NTF3: variants seen among roughly 807,000 people sequenced by gnomAD.
NTF3 encodes neurotrophin-3.
Under a neutral mutation model 26.3 loss-of-function variants are expected in NTF3, and 8 were observed. That is an observed-to-expected ratio of 0.30 (90% CI 0.18 to 0.55). The LOEUF is 0.55. Among genes scored for constraint, NTF3 ranks in the 20% least tolerant of loss-of-function variants. NTF3 has a pLI of 0.93. For missense variants in NTF3, 276 were observed against 352.9 expected, an observed-to-expected ratio of 0.78 and a Z score of 1.75; for synonymous variants, 154 against 145.5, an observed-to-expected ratio of 1.06 and a Z score of -0.42.
At chr12:5,477,817 C>A (rs1240402832) in intron 1 of NTF3, among the ~76,000 whole-genome samples, 2 of 152,056 alleles carry the variant, frequency 1.3e-5, no homozygotes, top group African/African-American at 4.8e-5. Flanking sequence ...GTTTAGGACA[C>A]AGGACTGCAA....
chr12:5,472,157 C>T (rs760662760), intron 1 of NTF3, among the ~76,000 whole-genome samples: 1 of 152,130 alleles, frequency 6.6e-6, no homozygotes, highest in Admixed American at 6.5e-5. Flanking sequence ...AATGATTTGA[C>T]ATTCCTACAC....
At chr12:5,460,967 C>T (rs919494038) in intron 1 of NTF3, among the ~76,000 whole-genome samples, 3 of 152,160 alleles carry the variant, frequency 2.0e-5, no homozygotes, top group African/African-American at 7.2e-5. Context: ...TTCTTTTCCT[C>T]CTGATACAGA....
intron 1 of NTF3, among the ~76,000 whole-genome samples, chr12:5,467,087 A>G (rs1426985330): frequency 6.6e-6 from 1 of 151,922 alleles, no homozygotes; most frequent in East Asian, 1.9e-4. Context: ...AAAATTAGCC[A>G]GGCGTACTGG....
chr12:5,451,420 C>A (rs997011706), intron 1 of NTF3, among the ~76,000 whole-genome samples: 1 of 152,210 alleles, frequency 6.6e-6, no homozygotes, highest in Non-Finnish European at 1.5e-5. Flanking sequence ...TTGCACCCAG[C>A]CAGTGGGAAG....
chr12:5,475,413 G>A lies in NTF3; in HGVS notation c.19-18781G>A, dbSNP rs561231442. On this transcript the variant is annotated intron_variant, in intron 1 of 1. Coordinates refer to ENST00000423158, the MANE Select transcript of NTF3 (RefSeq NM_001102654.2). Reference sequence around the variant, plus strand: ...ACATAGGGAATTCTACTCTCTGGGAGACAGCATGTGGCTGGGATCAGATAG... The same window carrying A: ...ACATAGGGAATTCTACTCTCTGGGAAACAGCATGTGGCTGGGATCAGATAG... Among the ~76,000 whole-genome samples the A allele has an allele frequency of 8.1e-4, 124 of 152,308 alleles. 1 individual carries two copies. The highest frequency in any genetic ancestry group is 2.8e-3 in the African/African-American group (118 of 41,566).
chr12:5,432,208 C>T lies in NTF3; in HGVS notation c.-117C>T. On this transcript the variant is annotated 5_prime_UTR_variant, in exon 1 of 2. Transcript: ENST00000423158. ...TCTTCTCTCTCCTTTCTTTCTTCCT[C>T]TCCTTTTTCCCCTGCTGGGTAGTGG... 1.7e-6 allele frequency: 2 copies of T among 1,184,438 alleles called. No individual in the cohort carries two copies. The highest frequency in any genetic ancestry group is 1.7e-5 in the Admixed American group (1 of 58,446). The allele number at this position is 1,184,438 out of a possible 1,614,324, so 73.4% of individuals were successfully genotyped here.
chr12:5,475,622 C>T (rs1444466849), intron 1 of NTF3, among the ~76,000 whole-genome samples: 2 of 151,910 alleles, frequency 1.3e-5, no homozygotes, highest in Non-Finnish European at 1.5e-5. Flanking sequence ...ATTGCTTGAG[C>T]CCAGGAGTTT....
intron 1 of NTF3, among the ~76,000 whole-genome samples, chr12:5,436,886 A>G (rs536439214): frequency 1.1e-3 from 167 of 152,370 alleles, no homozygotes; most frequent in Non-Finnish European, 1.9e-3. Flanking sequence ...GTTATTAATG[A>G]TCAGAGACAG....
At chr12:5,468,765 C>T (rs1287467280) in intron 1 of NTF3, among the ~76,000 whole-genome samples, 1 of 152,124 alleles carries the variant, frequency 6.6e-6, no homozygotes, top group Non-Finnish European at 1.5e-5. Flanking sequence ...TAGGGATGAT[C>T]TCCCCCCACC....
At chr12:5,489,132 C>G (rs1940903618) in intron 1 of NTF3, among the ~76,000 whole-genome samples, 1 of 152,200 alleles carries the variant, frequency 6.6e-6, no homozygotes, top group African/African-American at 2.4e-5. Context: ...ATGGGCTGCA[C>G]TGGAGAGCAT....
intron 1 of NTF3, among the ~76,000 whole-genome samples, chr12:5,477,378 A>G (rs565764725): frequency 1.1e-3 from 170 of 151,660 alleles, no homozygotes; most frequent in African/African-American, 4.0e-3. Flanking sequence ...GTCGTTTCTT[A>G]AAGTGACAGC....
intron 1 of NTF3, among the ~76,000 whole-genome samples, chr12:5,455,559 CACACACACACACACACACACACACAT>C (rs1490170397): frequency 4.2e-5 from 6 of 142,982 alleles, no homozygotes; most frequent in South Asian, 2.4e-4. Flanking sequence ...CACACACACA[CACACACACACACACACACACACACAT>C]AGCCCCTGTG....
intron 1 of NTF3, among the ~76,000 whole-genome samples, chr12:5,488,914 T>C (rs939389868): frequency 7.2e-5 from 11 of 152,204 alleles, no homozygotes; most frequent in African/African-American, 2.4e-4. Flanking sequence ...TCTCTTGAAT[T>C]TGCATATTAA....
chr12:5,432,368 G>A (rs539914634), intron 1 of NTF3, 26 bp downstream of exon 1: 2 of 1,611,188 alleles, frequency 1.2e-6, no homozygotes, highest in Non-Finnish European at 1.7e-6. Flanking sequence ...GGGCACCTTG[G>A]GTGGGCAGGT....
intron 1 of NTF3, among the ~76,000 whole-genome samples, chr12:5,469,381 C>T (rs1000135888): frequency 1.3e-5 from 2 of 151,960 alleles, no homozygotes; most frequent in Non-Finnish European, 2.9e-5. Flanking sequence ...ACACCTGCTG[C>T]GAAGGGAGAG....
At chr12:5,473,113 A>G (rs1940685266) in intron 1 of NTF3, among the ~76,000 whole-genome samples, 1 of 152,136 alleles carries the variant, frequency 6.6e-6, no homozygotes. Flanking sequence ...ATAGACCTGA[A>G]CTTAAGCCTC....
intron 1 of NTF3, among the ~76,000 whole-genome samples, chr12:5,471,083 A>G (rs1304682054): frequency 6.6e-6 from 1 of 152,040 alleles, no homozygotes; most frequent in East Asian, 1.9e-4. Flanking sequence ...AACATTTGAA[A>G]TAGTTTATTT....
At chr12:5,484,615 T>C (rs532143163) in intron 1 of NTF3, among the ~76,000 whole-genome samples, 2 of 152,318 alleles carry the variant, frequency 1.3e-5, no homozygotes, top group African/African-American at 4.8e-5. Flanking sequence ...AAACAATTAA[T>C]TCCCCAGCAT....
At chr12:5,453,937 C>T (rs1469973461) in intron 1 of NTF3, among the ~76,000 whole-genome samples, 2 of 152,192 alleles carry the variant, frequency 1.3e-5, no homozygotes, top group Non-Finnish European at 2.9e-5. Context: ...GGCAGGTTAA[C>T]AAAAACACAA....
Sources: allele counts gnomAD v4.1 joint callset (sites outside exome capture counted in the v4.1 genomes callset), GRCh38; gene constraint gnomAD v4.1.1; transcripts MANE v1.5; gene names NCBI Gene and HGNC (gene_info 2026-07-23, HGNC 2026-07-21).